The following B3GAT1 variants were observed in gnomAD, a reference collection of about 807,000 sequenced individuals.
The protein encoded by B3GAT1 is galactosylgalactosylxylosylprotein 3-beta-glucuronosyltransferase 1.
B3GAT1 carries 11 observed loss-of-function variants against 28.4 expected under a neutral mutation model. The ratio of observed to expected loss-of-function variants is 0.39; its 90% CI spans 0.24 to 0.64. The LOEUF (loss-of-function observed/expected upper bound fraction) is 0.64. Among genes scored for constraint, B3GAT1 ranks in the 30% least tolerant of loss-of-function variants. B3GAT1 has a pLI of 0.50. For missense variants in B3GAT1, 375 were observed against 491.0 expected (o/e 0.76, Z 2.23); for synonymous variants, 255 against 223.1 (o/e 1.14, Z -1.27).
At chr11:134,394,248 T>C (rs58475265) in intron 1 of B3GAT1, among the ~76,000 whole-genome samples, 31,105 of 152,162 alleles carry the variant, frequency 0.2, 3,852 homozygotes, top group African/African-American at 0.35. Flanking sequence ...CCCTTTTCCA[T>C]AAAGCCCAGT....
At chr11:134,396,156 A>G (rs373237871) in intron 1 of B3GAT1, among the ~76,000 whole-genome samples, 9 of 152,340 alleles carry the variant, frequency 5.9e-5, no homozygotes, top group Non-Finnish European at 8.8e-5. Context: ...TGATGGCCCA[A>G]TGCTTTTGCA....
intron 5 of B3GAT1, among the ~76,000 whole-genome samples, chr11:134,381,232 T>G (rs151189763): frequency 6.6e-5 from 10 of 152,330 alleles, no homozygotes; most frequent in African/African-American, 2.4e-4. Flanking sequence ...TTAGCTTCTC[T>G]CAACATCATT....
At chr11:134,397,361 C>A (rs907160091) in intron 1 of B3GAT1, among the ~76,000 whole-genome samples, 1 of 152,170 alleles carries the variant, frequency 6.6e-6, no homozygotes, top group Non-Finnish European at 1.5e-5. Flanking sequence ...GCCTGCCCTG[C>A]GCCCGCCCAC....
chr11:134,411,509 C>G lies in B3GAT1; in HGVS notation c.-282+298G>C, dbSNP rs928244405. Among the ~76,000 whole-genome samples the G allele has an allele frequency of 1.3e-5, 2 of 152,076 alleles. No homozygotes were observed. The highest frequency in any genetic ancestry group is 1.5e-5 in the Non-Finnish European group (1 of 67,984). On this transcript the variant is annotated intron_variant, in intron 1 of 5. Transcript: ENST00000312527. The surrounding 1 kb of genome is among the most constrained non-coding windows in gnomAD (Gnocchi z 6.0). ...GGCCGGGAACTGACGACTGAGAGCC[C>G]GGGCCGATTGTTAGAAGCTGCTGAG...
chr11:134,403,941 G>A (rs973805883), intron 1 of B3GAT1, among the ~76,000 whole-genome samples: 2 of 139,088 alleles, frequency 1.4e-5, no homozygotes, highest in African/African-American at 5.4e-5. Context: ...CTGGGATGTT[G>A]TGGAGAATGG....
At chr11:134,384,288 C>G (rs1239738633) in intron 2 of B3GAT1, 100 bp from the exon 3 acceptor site, 12 of 1,406,618 alleles carry the variant, frequency 8.5e-6, no homozygotes, top group Non-Finnish European at 1.1e-5. Context: ...CCCTCCTCCT[C>G]CCCCGCTGCA....
intron 1 of B3GAT1, chr11:134,392,232 C>T (rs1218747241): frequency 6.6e-6 from 1 of 151,574 alleles, no homozygotes; most frequent in Non-Finnish European, 1.5e-5. Flanking sequence ...ACCCGTGGAA[C>T]TGAGTCCTGA....
At chr11:134,385,907 C>G (rs1272114329) in intron 2 of B3GAT1, 1 of 152,286 alleles carries the variant, frequency 6.6e-6, no homozygotes, top group Non-Finnish European at 1.5e-5. Context: ...CAGCCTCAGG[C>G]AGCACCATCA....
intron 1 of B3GAT1, among the ~76,000 whole-genome samples, chr11:134,402,463 A>G (rs1276261782): frequency 6.6e-6 from 1 of 152,036 alleles, no homozygotes. Context: ...TCTCCCCAGG[A>G]TGCAGGCTCA....
rs775798071 is a variant in B3GAT1, at chr11:134,382,911, G to A, written c.717C>T (p.Val239=). 3.7e-6 allele frequency: 6 copies of A among 1,613,146 alleles called. No individual in the cohort carries two copies. The highest frequency in any genetic ancestry group is 2.2e-5 in the East Asian group (1 of 44,862). ...GGGGGTCAAACACCGTCTTCCAGCC[G>A]ACCACCTTCCCTGCCCCGTTCACCC... The part of the protein sequence containing the change: ...APRVNGAGKV[V]GWKTVFDPHR... The change falls in exon 4 of 6, where the codon GTC becomes GTT. Residue 239 remains valine (V), a synonymous_variant. Transcript: ENST00000312527.
rs941704395 is a variant in B3GAT1, at chr11:134,380,605, G to C, written c.*157C>G. The C allele has an allele frequency of 2.6e-5, 4 of 152,736 alleles. No individual in the cohort carries two copies. The highest frequency in any genetic ancestry group is 9.6e-5 in the African/African-American group (4 of 41,460). 9.5% of individuals were successfully genotyped at this position (152,736 alleles called of 1,614,324 possible). On this transcript the variant is annotated 3_prime_UTR_variant, in exon 6 of 6. Coordinates refer to ENST00000312527, the MANE Select transcript of B3GAT1 (RefSeq NM_054025.3). ...TCTGTGCTTAAATTCTCTGTCCTTTGTTCTGGCATCAGGCTGGGCTCTCTC... is the reference window on the plus strand; with the variant it reads ...TCTGTGCTTAAATTCTCTGTCCTTTCTTCTGGCATCAGGCTGGGCTCTCTC...
intron 1 of B3GAT1, among the ~76,000 whole-genome samples, chr11:134,402,230 G>T (rs755214854): frequency 6.6e-6 from 1 of 152,162 alleles, no homozygotes. Context: ...GAGTCAAGTC[G>T]CGGGTATGCC....
intron 3 of B3GAT1, 51 bp downstream of exon 3, chr11:134,383,629 C>T (rs755593936): frequency 4.8e-5 from 70 of 1,469,332 alleles, no homozygotes; most frequent in African/African-American, 2.4e-4. Context: ...GGAAGCCCCT[C>T]CACTCCCCGC....
intron 1 of B3GAT1, among the ~76,000 whole-genome samples, chr11:134,405,416 T>C (rs1944713364): frequency 6.6e-6 from 1 of 152,232 alleles, no homozygotes; most frequent in Non-Finnish European, 1.5e-5. Flanking sequence ...TCAGGGTGCG[T>C]AGACACACTC....
At position 134,411,612 on chromosome 11, in the gene B3GAT1, C is replaced by A. The variant is rs1944855875; in HGVS notation, c.-282+195G>T. 6.6e-6 allele frequency among the ~76,000 whole-genome samples: 1 copy of A among 152,090 alleles called. No homozygotes were observed. Among genetic ancestry groups the A allele is most frequent in the Admixed American group, 6.5e-5 (1 of 15,286 alleles). On this transcript the variant is annotated intron_variant, in intron 1 of 5. Transcript: ENST00000312527. The surrounding 1 kb of genome is among the most constrained non-coding windows in gnomAD (Gnocchi z 6.0). ...GTTTCGCAGCCCCTCGGCAGCAGCG[C>A]CTCCCAGCCCGAGCTCGGTTCTCGG...
chr11:134,399,471 C>G (rs1238106605), intron 1 of B3GAT1, among the ~76,000 whole-genome samples: 1 of 152,240 alleles, frequency 6.6e-6, no homozygotes, highest in Non-Finnish European at 1.5e-5. Context: ...GGGGGCCAGG[C>G]CCGTAGGGCC....
intron 1 of B3GAT1, chr11:134,389,664 A>G (rs11600729): frequency 0.99 from 150,566 of 152,678 alleles, 74,244 homozygotes; most frequent in East Asian, 1. Context: ...AGCCAGCCTC[A>G]CTGTGCCCAC....
At chr11:134,399,406 T>G (rs1944566059) in intron 1 of B3GAT1, among the ~76,000 whole-genome samples, 2 of 152,198 alleles carry the variant, frequency 1.3e-5, no homozygotes, top group South Asian at 4.1e-4. Context: ...AGGACACCCA[T>G]GGGTGGAATG....
At chr11:134,407,976 T>TA (rs1275206362) in intron 1 of B3GAT1, among the ~76,000 whole-genome samples, 1 of 152,090 alleles carries the variant, frequency 6.6e-6, no homozygotes, top group African/African-American at 2.4e-5. Context: ...GTCAAGATTT[T>TA]TTTTTTTAGA....
Sources: allele counts gnomAD v4.1 joint callset (sites outside exome capture counted in the v4.1 genomes callset), GRCh38; gene constraint gnomAD v4.1.1; non-coding constraint Gnocchi (gnomAD v3.1); transcripts MANE v1.5; gene names NCBI Gene and HGNC (gene_info 2026-07-23, HGNC 2026-07-21).